WEE1: variants seen among roughly 807,000 people sequenced by gnomAD.
The protein encoded by WEE1 is WEE1 G2 checkpoint kinase, also known as wee1-like protein kinase.
Under a neutral mutation model 68.8 loss-of-function variants are expected in WEE1, and 16 were observed. The ratio of observed to expected loss-of-function variants is 0.23; its 90% CI spans 0.16 to 0.35. The LOEUF (loss-of-function observed/expected upper bound fraction) is 0.35, where lower values mean the gene tolerates loss of function less well. Among genes scored for constraint, WEE1 ranks in the 10% least tolerant of loss-of-function variants. WEE1 has a pLI of 1.00. For synonymous variants in WEE1, 349 were observed against 318.7 expected (o/e 1.09, Z -1.01); for missense variants, 651 against 824.1 (o/e 0.79, Z 2.57).
chr11:9,582,663 T>A (rs1849641049), intron 6 of WEE1, among the ~76,000 whole-genome samples: 1 of 152,100 alleles, frequency 6.6e-6, no homozygotes, highest in Admixed American at 6.6e-5. Context: ...GCCTCCCACG[T>A]TCAAGCGATT....
chr11:9,574,906 C>A lies in WEE1; in HGVS notation c.576+397C>A. ...TAGGATGCCTTTTAAACGCGGCGAT[C>A]GGGCCTGTAATTTGGGCGGCGCGGG... is the stretch of plus-strand genomic sequence containing the variant. On this transcript the variant is annotated intron_variant, in intron 1 of 10. Coordinates refer to ENST00000450114, the MANE Select transcript of WEE1 (RefSeq NM_003390.4). The surrounding 1 kb of genome is among the most constrained non-coding windows in gnomAD (Gnocchi z 4.9). 3.0e-6 allele frequency: 3 copies of A among 986,232 alleles called. No homozygotes were observed. The highest frequency in any genetic ancestry group is 3.6e-6 in the Non-Finnish European group (3 of 830,514). The allele number at this position is 986,232 out of a possible 1,614,324, so 61.1% of individuals were successfully genotyped here. A position where few individuals can be genotyped will look rare whatever the true frequency, so the allele number is the denominator to read the frequency against.
Position 9,586,521 on chromosome 11 carries a change from C to A in WEE1, c.1543C>A (p.Pro515Thr), listed in dbSNP as rs757769724. 5.0e-6 allele frequency: 8 copies of A among 1,614,058 alleles called. 1 individual carries two copies. The South Asian group carries it at 8.8e-5, about 18-fold the overall frequency. ...LTVVCAAGAE[P>T]LPRNGDQWHE... ...AGTGGTATGTGCTGCTGGTGCTGAACCTCTTCCGAGAAATGGAGATCAATG... is the reference window on the plus strand; with the variant it reads ...AGTGGTATGTGCTGCTGGTGCTGAAACTCTTCCGAGAAATGGAGATCAATG... The change falls in exon 9 of 11, where the codon CCT (proline) becomes ACT (threonine). Residue 515 changes from proline (P) to threonine (T), a missense_variant. Coordinates refer to ENST00000450114, the MANE Select transcript of WEE1 (RefSeq NM_003390.4).
Position 9,588,903 on chromosome 11 carries a change from G to T in WEE1, c.*301G>T, listed in dbSNP as rs2134360769. ...GTTTGCTGTTGCATTGTAATAAAAG[G>T]TGTCTTTCCCTGTAGTGACCTGTAA... is the stretch of plus-strand genomic sequence containing the variant. On this transcript the variant is annotated 3_prime_UTR_variant, in exon 11 of 11. Transcript: ENST00000450114. 1 of 1,012,388 alleles carries T rather than the reference G, an allele frequency of 9.9e-7. No homozygotes were observed. The highest frequency in any genetic ancestry group is 9.2e-5 in the East Asian group (1 of 10,818). 62.7% of individuals were successfully genotyped at this position (1,012,388 alleles called of 1,614,324 possible). A position where few individuals can be genotyped will look rare whatever the true frequency, so the allele number is the denominator to read the frequency against.
intron 5 of WEE1, chr11:9,578,884 TTTA>T (rs1565088158): frequency 6.7e-5 from 2 of 30,068 alleles, no homozygotes; most frequent in Non-Finnish European, 1.7e-4. Flanking sequence ...TAAGTTTTTA[TTTA>T]TTTATTTATT....
intron 5 of WEE1, chr11:9,578,059 G>T: frequency 2.9e-6 from 1 of 341,752 alleles, no homozygotes; most frequent in Non-Finnish European, 5.7e-6. Flanking sequence ...GTGATGATTG[G>T]GTTTTCATAC....
At chr11:9,577,305 A>G in intron 5 of WEE1, 42 bp downstream of exon 5, 1 of 1,593,890 alleles carries the variant, frequency 6.3e-7, no homozygotes, top group Non-Finnish European at 8.5e-7. Flanking sequence ...GAGAAAATGA[A>G]CATCGAGGAA....
chr11:9,574,337 G>A lies in WEE1; in HGVS notation c.404G>A (p.Gly135Asp). 7.9e-7 allele frequency: 1 copy of A among 1,271,056 alleles called. No homozygotes were observed. Among genetic ancestry groups the A allele is most frequent in the Non-Finnish European group, 9.9e-7 (1 of 1,007,702 alleles). The allele number at this position is 1,271,056 out of a possible 1,614,324, so 78.7% of individuals were successfully genotyped here. A position where few individuals can be genotyped will look rare whatever the true frequency, so the allele number is the denominator to read the frequency against. Residue 135 changes from glycine (G) to aspartate (D), a missense_variant, in exon 1 of 11, where the codon GGT becomes GAT. By Grantham distance (94) the Gly-to-Asp change is moderately conservative. Around this residue, in one of 5 missense-constraint regions of WEE1, gnomAD observed 395 missense variants for 378.4 expected, o/e 1.04. Transcript: ENST00000450114. The surrounding 1 kb of genome is among the most constrained non-coding windows in gnomAD (Gnocchi z 4.9). ...TCGCCGGCGGCCCCCTACTTCCTGG[G>A]TAGCTCTTTCTCGCCGGTGCGCTGC... ...VKSPAAPYFL[G>D]SSFSPVRCGG...
In WEE1 at chr11:9,575,775, G is replaced by A. The variant is rs905894715; in HGVS notation, c.577-113G>A. On this transcript the variant is annotated intron_variant, in intron 1 of 10. Coordinates refer to ENST00000450114, the MANE Select transcript of WEE1 (RefSeq NM_003390.4). ...CTTGAACTCTAACAAAGGCTTGTGT[G>A]TTGCTTTCACCTACGCATTCAGCCC... 3.2e-5 allele frequency: 27 copies of A among 839,092 alleles called. No homozygotes were observed. The African/African-American group carries it at 3.9e-4, about 12-fold the overall frequency. 52.0% of individuals were successfully genotyped at this position (839,092 alleles called of 1,614,324 possible). A position where few individuals can be genotyped will look rare whatever the true frequency, so the allele number is the denominator to read the frequency against.
In WEE1 at chr11:9,581,996, C is replaced by T. The variant is rs1025232559; in HGVS notation, c.1288+318C>T. On this transcript the variant is annotated intron_variant, in intron 6 of 10. Transcript: ENST00000450114. ...ATCCCACCTCAGTCTTCCGAGTAGC[C>T]GGGACTATAGGCATGTGCCACCATG... 1.4e-4 allele frequency among the ~76,000 whole-genome samples: 21 copies of T among 152,158 alleles called. 1 individual carries two copies. The highest frequency in any genetic ancestry group is 4.6e-4 in the African/African-American group (19 of 41,434).
intron 10 of WEE1, 65 bp from the exon 11 acceptor site, chr11:9,588,384 A>T: frequency 8.8e-7 from 1 of 1,137,364 alleles, no homozygotes; most frequent in East Asian, 2.7e-5. Context: ...TCGACAATAT[A>T]GTTTGTGTTA....
intron 5 of WEE1, chr11:9,578,184 A>G (rs1177082795): frequency 1.2e-5 from 3 of 253,262 alleles, no homozygotes; most frequent in African/African-American, 7.0e-5. Flanking sequence ...GTGAATATAG[A>G]CAATTTAGAG....
At chr11:9,583,467 T>C (rs538594923) in intron 6 of WEE1, among the ~76,000 whole-genome samples, 7 of 150,010 alleles carry the variant, frequency 4.7e-5, no homozygotes, top group African/African-American at 1.7e-4. Context: ...TACAAAAAAT[T>C]AGCTGGGTGT....
chr11:9,576,159 A>T lies in WEE1; in HGVS notation c.782+66A>T, dbSNP rs2134340349. On this transcript the variant is annotated intron_variant, in intron 2 of 10. Coordinates refer to ENST00000450114, the MANE Select transcript of WEE1 (RefSeq NM_003390.4). The surrounding 1 kb of genome is among the most constrained non-coding windows in gnomAD (Gnocchi z 4.3). ...AAGATTGGTTTGGTATACTTATCAA[A>T]ATTTAGTTCCTATTTAATGGCATGG... 6.2e-7 allele frequency: 1 copy of T among 1,605,538 alleles called. No individual in the cohort carries two copies. The highest frequency in any genetic ancestry group is 2.2e-5 in the East Asian group (1 of 44,808).
At chr11:9,584,880 G>A (rs1217039003) in intron 6 of WEE1, among the ~76,000 whole-genome samples, 1 of 152,132 alleles carries the variant, frequency 6.6e-6, no homozygotes, top group Non-Finnish European at 1.5e-5. Context: ...AGTTTGATCA[G>A]CCTGGCCAAC....
chr11:9,578,803 A>T (rs1238180139), intron 5 of WEE1: 3 of 152,176 alleles, frequency 2.0e-5, no homozygotes, highest in South Asian at 4.1e-4. Flanking sequence ...CTGAGTGAGT[A>T]GTCTTGCTAC....
intron 1 of WEE1, chr11:9,575,612 C>T (rs1849557204): frequency 2.5e-6 from 1 of 394,160 alleles, no homozygotes; most frequent in Non-Finnish European, 4.5e-6. Context: ...TAACTTTTAG[C>T]CACTAGAATG....
intron 6 of WEE1, among the ~76,000 whole-genome samples, chr11:9,583,761 GCACACACACACACACACACA>G (rs1157681380): frequency 2.0e-5 from 1 of 48,948 alleles, no homozygotes; most frequent in East Asian, 8.1e-4. Flanking sequence ...GCACGCGCGC[GCACACACACACACACACACA>G]CACACACACA....
intron 8 of WEE1, among the ~76,000 whole-genome samples, chr11:9,586,003 A>G (rs1288822706): frequency 6.6e-6 from 1 of 152,254 alleles, no homozygotes; most frequent in African/African-American, 2.4e-5. Context: ...AAAATTTTGA[A>G]TGAAAATAGA....
In WEE1 at chr11:9,574,205, A is replaced by G; in HGVS notation, c.272A>G (p.Glu91Gly). ...CCCGGCAGCCCCGGCGAGCTGGAGGAGGACCTGTTGCTGCCCGGCGCCTGC... is the reference window on the plus strand; with the variant it reads ...CCCGGCAGCCCCGGCGAGCTGGAGGGGGACCTGTTGCTGCCCGGCGCCTGC... Reference protein sequence around the residue: ...PAPGSPGELEEDLLLPGACPG... With the variant: ...PAPGSPGELEGDLLLPGACPG... Residue 91 changes from glutamate to glycine, a missense_variant, in exon 1 of 11, where the codon GAG (glutamate) becomes GGG (glycine). Around this residue, in one of 5 missense-constraint regions of WEE1, gnomAD observed 395 missense variants for 378.4 expected, o/e 1.04. Coordinates refer to ENST00000450114, the MANE Select transcript of WEE1 (RefSeq NM_003390.4). The surrounding 1 kb of genome is among the most constrained non-coding windows in gnomAD (Gnocchi z 4.9). The G allele has an allele frequency of 1.7e-6, 2 of 1,174,216 alleles. No individual in the cohort carries two copies. The highest frequency in any genetic ancestry group is 2.1e-6 in the Non-Finnish European group (2 of 951,912). 72.7% of individuals were successfully genotyped at this position (1,174,216 alleles called of 1,614,324 possible).
Sources: gnomAD v4.1 joint callset for allele counts (sites outside exome capture counted in the v4.1 genomes callset) on GRCh38, gnomAD v4.1.1 for gene constraint, gnomAD v4.1.1 regional missense constraint, Gnocchi (gnomAD v3.1) non-coding constraint, MANE v1.5 for transcripts, NCBI Gene and HGNC (gene_info 2026-07-23, HGNC 2026-07-21) for gene names.